Variants in PC observed in about 807,000 individuals in gnomAD.
PC encodes pyruvate carboxylase, mitochondrial.
PC carries 46 observed loss-of-function variants against 107.8 expected under a neutral mutation model. The observed-to-expected ratio is 0.43, with a 90% CI of 0.34 to 0.55. The LOEUF is 0.55. Ranked by LOEUF, PC falls within the 20% of genes least tolerant of loss-of-function variation. PC has a pLI of 0.04. For missense variants in PC, 1,241 were observed against 1,643.1 expected (o/e 0.76, Z 4.23); for synonymous variants, 662 against 684.7 (o/e 0.97, Z 0.52).
At chr11:66,851,708 G>A in intron 16 of PC, 82 bp downstream of exon 16, 1 of 1,411,272 alleles carries the variant, frequency 7.1e-7, no homozygotes, top group Non-Finnish European at 1.0e-6. Context: ...GGCTGACCGT[G>A]GAGAACAGAG....
chr11:66,938,013 T>A (rs1949041940), intron 3 of PC, among the ~76,000 whole-genome samples: 2 of 152,140 alleles, frequency 1.3e-5, no homozygotes, highest in Non-Finnish European at 2.9e-5. Flanking sequence ...CTCGACCTCG[T>A]GATCCACCTG....
At chr11:66,879,522 G>C (rs1000900369) in intron 3 of PC, among the ~76,000 whole-genome samples, 1 of 152,224 alleles carries the variant, frequency 6.6e-6, no homozygotes, top group East Asian at 1.9e-4. Flanking sequence ...AGGAGCCACA[G>C]ACAGCTGCTC....
chr11:66,924,117 G>A (rs1472781324), intron 3 of PC, among the ~76,000 whole-genome samples: 4 of 150,176 alleles, frequency 2.7e-5, no homozygotes, highest in Non-Finnish European at 4.4e-5. Flanking sequence ...CACAAGAATC[G>A]CTTGAACCCA....
At chr11:66,889,642 A>G (rs374715784) in intron 3 of PC, among the ~76,000 whole-genome samples, 34 of 152,216 alleles carry the variant, frequency 2.2e-4, no homozygotes, top group African/African-American at 7.9e-4. Context: ...CCAAAGTGCT[A>G]GGATTACAAG....
At chr11:66,851,018 G>A (rs1264724012) in intron 17 of PC, 22 bp downstream of exon 17, 2 of 1,611,708 alleles carry the variant, frequency 1.2e-6, no homozygotes, top group Non-Finnish European at 1.7e-6. Flanking sequence ...GAGAGGGAGG[G>A]ACGGACAAGT....
At chr11:66,932,637 TG>T (rs1163921013) in intron 3 of PC, among the ~76,000 whole-genome samples, 2 of 152,118 alleles carry the variant, frequency 1.3e-5, no homozygotes, top group African/African-American at 2.4e-5. Flanking sequence ...AATCTGGCCC[TG>T]GGGGGAAAGC....
intron 12 of PC, among the ~76,000 whole-genome samples, 196 bp downstream of exon 12, chr11:66,863,577 GC>G (rs1037141177): frequency 1.6e-4 from 24 of 152,334 alleles, no homozygotes; most frequent in Admixed American, 3.9e-4. Context: ...GCAGCGGGTT[GC>G]CCAGGCGCCT....
rs1005127250 is a variant in PC, at chr11:66,848,833, C to T, written c.*66G>A. 1 of 1,608,496 alleles carries T rather than the reference C, an allele frequency of 6.2e-7. No homozygotes were observed. The highest frequency in any genetic ancestry group is 1.1e-5 in the South Asian group (1 of 90,762). On this transcript the variant is annotated 3_prime_UTR_variant, in exon 23 of 23. Coordinates refer to ENST00000393960, the MANE Select transcript of PC (RefSeq NM_001040716.2). Reference sequence around the variant, plus strand: ...GGCCTCGGGCACTGGCTGGCCTGGGCCTGCCGTGGCAGCACAGCTTCTGTT... The same window carrying T: ...GGCCTCGGGCACTGGCTGGCCTGGGTCTGCCGTGGCAGCACAGCTTCTGTT...
chr11:66,892,196 G>A (rs1947601772), intron 3 of PC, among the ~76,000 whole-genome samples: 1 of 152,142 alleles, frequency 6.6e-6, no homozygotes, highest in African/African-American at 2.4e-5. Context: ...GCGAGGCTCG[G>A]GTGAAAGACT....
At chr11:66,904,968 GAAACTTC>G (rs1444091318) in intron 3 of PC, among the ~76,000 whole-genome samples, 2 of 152,210 alleles carry the variant, frequency 1.3e-5, no homozygotes, top group Non-Finnish European at 2.9e-5. Context: ...TGTTTTACAG[GAAACTTC>G]AAATTGGCTC....
intron 12 of PC, chr11:66,859,038 G>C: frequency 6.6e-7 from 1 of 1,507,036 alleles, no homozygotes; most frequent in Non-Finnish European, 8.9e-7. Context: ...AGCCGACCCA[G>C]TGTGGATGTT....
chr11:66,854,621 C>T (rs968180949), intron 12 of PC, among the ~76,000 whole-genome samples: 2 of 152,062 alleles, frequency 1.3e-5, no homozygotes, highest in Non-Finnish European at 2.9e-5. Context: ...GGCTGTGTAG[C>T]GACAGCCCTG....
chr11:66,909,858 C>T (rs1230207188), intron 3 of PC, among the ~76,000 whole-genome samples: 9 of 152,002 alleles, frequency 5.9e-5, no homozygotes, highest in East Asian at 1.9e-4. Flanking sequence ...GGCCAGGACA[C>T]GGGCCATTGT....
At position 66,887,561 on chromosome 11, in the gene PC, AC is replaced by A. The variant is rs532276423; in HGVS notation, c.1-15403del. Among the ~76,000 whole-genome samples the A allele has an allele frequency of 3.8e-4, 58 of 152,320 alleles. 1 individual carries two copies. The South Asian group carries it at 9.5e-3, about 25-fold the overall frequency. On this transcript the variant is annotated intron_variant, in intron 3 of 22. Coordinates refer to ENST00000393960, the MANE Select transcript of PC (RefSeq NM_001040716.2). ...GAATTAGAAGATAGTTTGGGACATT[AC>A]CCAGAAAGACTAACATATGGAAAAT... is the stretch of plus-strand genomic sequence containing the variant.
Position 66,857,967 on chromosome 11 carries a change from G to A in PC, c.1369-4584C>T. The A allele has an allele frequency of 6.2e-7, 1 of 1,612,518 alleles. No individual in the cohort carries two copies. The highest frequency in any genetic ancestry group is 8.5e-7 in the Non-Finnish European group (1 of 1,179,934). ...TGACTTCCGCAACATGACGGGACTG[G>A]TGGACCTGACACTGTCTCGCAATGC... On this transcript the variant is annotated intron_variant, in intron 12 of 22. Transcript: ENST00000393960. This position sits in a 1 kb window ranked among gnomAD's most constrained non-coding sequence, Gnocchi z 7.1.
intron 3 of PC, 114 bp from the exon 4 acceptor site, chr11:66,872,273 T>C: frequency 8.1e-7 from 1 of 1,229,696 alleles, no homozygotes; most frequent in Admixed American, 2.0e-5. Flanking sequence ...TAGCACCATC[T>C]ACCTCCTGAT....
At chr11:66,856,464 C>A (rs951382001) in intron 12 of PC, among the ~76,000 whole-genome samples, 2 of 152,064 alleles carry the variant, frequency 1.3e-5, no homozygotes, top group Admixed American at 6.5e-5. Context: ...CCTCTCGGCC[C>A]CACCCCGCAG....
intron 12 of PC, among the ~76,000 whole-genome samples, chr11:66,861,369 CCACGGCAAA>C (rs1946247076): frequency 6.6e-6 from 1 of 152,234 alleles, no homozygotes; most frequent in African/African-American, 2.4e-5. Flanking sequence ...GCACCCCAGG[CCACGGCAAA>C]CACGCTGCAC....
intron 1 of PC, chr11:66,958,095 T>A (rs958146913): frequency 6.6e-6 from 1 of 150,390 alleles, no homozygotes; most frequent in South Asian, 2.1e-4. Flanking sequence ...CGGGGGCGGG[T>A]CCAGCCGGCC....
Sources: allele counts gnomAD v4.1 joint callset (sites outside exome capture counted in the v4.1 genomes callset), GRCh38; gene constraint gnomAD v4.1.1; non-coding constraint Gnocchi (gnomAD v3.1); transcripts MANE v1.5; gene names NCBI Gene and HGNC (gene_info 2026-07-23, HGNC 2026-07-21).